The following ACSM5 variants were observed in gnomAD, a reference collection of about 807,000 sequenced individuals.
ACSM5 encodes acyl-CoA synthetase medium chain family member 5, also known as acyl-coenzyme A synthetase ACSM5, mitochondrial.
ACSM5 carries 56 observed loss-of-function variants against 71.6 expected under a neutral mutation model. That is an observed-to-expected ratio of 0.78 (90% CI 0.63 to 0.98). The LOEUF (loss-of-function observed/expected upper bound fraction) is 0.98, where lower values mean the gene tolerates loss of function less well. Ranked by LOEUF, ACSM5 falls within the 50% of genes least tolerant of loss-of-function variation. ACSM5 has a pLI of 0.00. For missense variants in ACSM5, 723 were observed against 726.0 expected (o/e 1.00, Z 0.05); for synonymous variants, 285 against 281.5 (o/e 1.01, Z -0.12).
At chr16:20,421,686 CAT>C (rs34154682) in intron 5 of ACSM5, among the ~76,000 whole-genome samples, 10,515 of 142,434 alleles carry the variant, frequency 0.074, 1,008 homozygotes, top group African/African-American at 0.21. Flanking sequence ...CATACATACA[CAT>C]ATAAACATAT....
At chr16:20,427,298 TCAAAAAACCAAA>T (rs1967001347) in intron 6 of ACSM5, among the ~76,000 whole-genome samples, 2 of 152,116 alleles carry the variant, frequency 1.3e-5, no homozygotes, top group South Asian at 4.2e-4. Context: ...AGACTCCATC[TCAAAAAACCAAA>T]CAAAAAACAA....
At chr16:20,425,741 C>A (rs8059661) in intron 6 of ACSM5, among the ~76,000 whole-genome samples, 1 of 151,734 alleles carries the variant, frequency 6.6e-6, no homozygotes, top group Non-Finnish European at 1.5e-5. Context: ...CATCCAGGTC[C>A]CTGCGAATGC....
In ACSM5 at chr16:20,419,400, T is replaced by C; in HGVS notation, c.588T>C (p.Ser196=). The C allele has an allele frequency of 6.2e-7, 1 of 1,614,158 alleles. No homozygotes were observed. The highest frequency in any genetic ancestry group is 8.5e-7 in the Non-Finnish European group (1 of 1,180,022). ...CCAAGCTGCTGGTGTCAGACAGCAGTCGGCCAGGCTGGTTGAACTTCAGGG... is the reference window on the plus strand; with the variant it reads ...CCAAGCTGCTGGTGTCAGACAGCAGCCGGCCAGGCTGGTTGAACTTCAGGG... ...LQTKLLVSDS[S]RPGWLNFREL... Residue 196 remains serine, a synonymous_variant, in exon 4 of 14, where the codon AGT becomes AGC. Coordinates refer to ENST00000331849, the MANE Select transcript of ACSM5 (RefSeq NM_017888.3).
chr16:20,419,604 A>G (rs1567341667), intron 4 of ACSM5, 169 bp downstream of exon 4: 2 of 645,918 alleles, frequency 3.1e-6, no homozygotes, highest in African/African-American at 1.8e-5. Flanking sequence ...CTTAATGTTC[A>G]AGGTCCCTCA....
rs992917153 is a variant in ACSM5 at position 20,419,799 on chromosome 16, A to C, written c.623+364A>C. On this transcript the variant is annotated intron_variant, in intron 4 of 13. Coordinates refer to ENST00000331849, the MANE Select transcript of ACSM5 (RefSeq NM_017888.3). ...TATTGGGTACTTAGTGTATCGCTAGATACTGTGCTATGTAAGCCTTCACCT... is the reference window on the plus strand; with the variant it reads ...TATTGGGTACTTAGTGTATCGCTAGCTACTGTGCTATGTAAGCCTTCACCT... 7.7e-4 allele frequency: 254 copies of C among 331,524 alleles called. 1 individual carries two copies. The highest frequency in any genetic ancestry group is 1.2e-3 in the Non-Finnish European group (201 of 172,358). 20.5% of individuals were successfully genotyped at this position (331,524 alleles called of 1,614,324 possible). A position where few individuals can be genotyped will look rare whatever the true frequency, so the allele number is the denominator to read the frequency against.
At chr16:20,426,502 C>T (rs1274069177) in intron 6 of ACSM5, among the ~76,000 whole-genome samples, 5 of 152,148 alleles carry the variant, frequency 3.3e-5, no homozygotes, top group Non-Finnish European at 7.4e-5. Context: ...GTGAAAGCAA[C>T]ACAAGTGTCC....
In ACSM5 at chr16:20,423,903, T is replaced by C. The variant is rs551765665; in HGVS notation, c.768-13T>C. 24 of 1,613,832 alleles carry C rather than the reference T, an allele frequency of 1.5e-5. 1 individual carries two copies. The South Asian group carries it at 2.4e-4, about 16-fold the overall frequency. On this transcript the variant is annotated splice_polypyrimidine_tract_variant and intron_variant, in intron 5 of 13. Transcript: ENST00000331849. ...CATTGCCAAGGTTACTGACGTTCTC[T>C]AATTTTTGGCAGACGGTGGGTGGCC... is the stretch of plus-strand genomic sequence containing the variant.
intron 10 of ACSM5, among the ~76,000 whole-genome samples, chr16:20,434,099 T>C (rs182555221): frequency 9.2e-5 from 14 of 152,334 alleles, no homozygotes; most frequent in Admixed American, 5.9e-4. Context: ...GCTATTTTTG[T>C]TGAACAGAAG....
At chr16:20,419,093 GTTA>G (rs1966865749) in intron 3 of ACSM5, 132 bp from the exon 4 acceptor site, 31 of 740,048 alleles carry the variant, frequency 4.2e-5, no homozygotes, top group Non-Finnish European at 5.5e-5. Flanking sequence ...TTTTTAGGCT[GTTA>G]TTATTATTAT....
intron 10 of ACSM5, among the ~76,000 whole-genome samples, chr16:20,434,109 G>A (rs74391586): frequency 6.6e-6 from 1 of 152,000 alleles, no homozygotes; most frequent in Non-Finnish European, 1.5e-5. Context: ...TTGAACAGAA[G>A]CATTTATTTC....
chr16:20,437,613 C>A (rs1299467561), intron 12 of ACSM5, among the ~76,000 whole-genome samples: 1 of 130,568 alleles, frequency 7.7e-6, no homozygotes, highest in Non-Finnish European at 1.6e-5. Context: ...GAGAGGCTGG[C>A]TATGGGGCAG....
chr16:20,437,776 A>G (rs1967232321), intron 12 of ACSM5, among the ~76,000 whole-genome samples: 1 of 151,288 alleles, frequency 6.6e-6, no homozygotes, highest in African/African-American at 2.4e-5. Context: ...TGACCTACAT[A>G]TACCAGAAAG....
chr16:20,410,055 A>G (rs1966844737), intron 1 of ACSM5, among the ~76,000 whole-genome samples: 1 of 152,190 alleles, frequency 6.6e-6, no homozygotes, highest in South Asian at 2.1e-4. Flanking sequence ...TTTAAGCCTC[A>G]TTTTCTTTAT....
chr16:20,419,772 TG>T (rs879833239), intron 4 of ACSM5: 106 of 372,084 alleles, frequency 2.8e-4, no homozygotes, highest in African/African-American at 2.0e-3. Flanking sequence ...CTAGTGGCCA[TG>T]TATTGGGTAC....
chr16:20,439,349 A>G (rs200434649), intron 12 of ACSM5, among the ~76,000 whole-genome samples: 27,782 of 116,016 alleles, frequency 0.24, 3,484 homozygotes, highest in East Asian at 0.63. Context: ...ATGTTCATCC[A>G]CGCAGACCCC....
chr16:20,423,988 G>T lies in ACSM5; in HGVS notation c.840G>T (p.Trp280Cys), dbSNP rs768385081. ...TTDTGWVKAA[W>C]TLFSAWPNGS... ...ACACTGGCTGGGTGAAGGCAGCCTG[G>T]ACTCTCTTCTCTGCCTGGCCTAATG... The change falls in exon 6 of 14, where the codon TGG becomes TGT. Residue 280 changes from tryptophan to cysteine, a missense_variant. Physicochemically the swap from Trp to Cys is radical, Grantham distance 215. Coordinates refer to ENST00000331849, the MANE Select transcript of ACSM5 (RefSeq NM_017888.3). 1 of 1,614,058 alleles carries T rather than the reference G, an allele frequency of 6.2e-7. No homozygotes were observed. The highest frequency in any genetic ancestry group is 8.5e-7 in the Non-Finnish European group (1 of 1,180,034).
At chr16:20,410,566 CA>C (rs1567337959) in intron 1 of ACSM5, among the ~76,000 whole-genome samples, 1 of 151,852 alleles carries the variant, frequency 6.6e-6, no homozygotes, top group South Asian at 2.1e-4. Context: ...CCTGTTTCTA[CA>C]AAAAAACTTT....
intron 4 of ACSM5, among the ~76,000 whole-genome samples, chr16:20,420,611 CA>C (rs200705176): frequency 6.6e-6 from 1 of 151,154 alleles, no homozygotes; most frequent in African/African-American, 2.4e-5. Context: ...AAAAACAAAA[CA>C]AAAAAAAATC....
At chr16:20,438,954 T>TAA (rs1275195181) in intron 12 of ACSM5, among the ~76,000 whole-genome samples, 16 of 92,682 alleles carry the variant, frequency 1.7e-4, no homozygotes, top group African/African-American at 5.0e-4. Flanking sequence ...GACTCTGTCT[T>TAA]AAAAAAAAAA....
Sources: allele counts gnomAD v4.1 joint callset (sites outside exome capture counted in the v4.1 genomes callset), GRCh38; gene constraint gnomAD v4.1.1; transcripts MANE v1.5; gene names NCBI Gene and HGNC (gene_info 2026-07-23, HGNC 2026-07-21).